Variants in PTPRQ observed in about 807,000 individuals in gnomAD.
The protein encoded by PTPRQ is phosphatidylinositol phosphatase PTPRQ.
In PTPRQ, 199 loss-of-function variants were observed where a neutral mutation model predicts 246.0. That is an observed-to-expected ratio of 0.81 (90% CI 0.72 to 0.91). The LOEUF is 0.91. Among genes scored for constraint, PTPRQ ranks in the 40% least tolerant of loss-of-function variants. PTPRQ has a pLI of 0.00. For missense variants in PTPRQ, 2,624 were observed against 2,528.4 expected (o/e 1.04, Z -0.81); for synonymous variants, 869 against 853.2 (o/e 1.02, Z -0.32).
intron 37 of PTPRQ, among the ~76,000 whole-genome samples, chr12:80,652,441 A>G (rs988100508): frequency 1.3e-5 from 2 of 152,064 alleles, no homozygotes; most frequent in African/African-American, 4.8e-5. Flanking sequence ...GTACCTGATG[A>G]AACCATTAGT....
At chr12:80,637,139 G>C (rs1004675467) in intron 35 of PTPRQ, among the ~76,000 whole-genome samples, 1 of 151,922 alleles carries the variant, frequency 6.6e-6, no homozygotes, top group East Asian at 1.9e-4. Flanking sequence ...TGTGCCTGTA[G>C]TCCCAGCTAC....
At position 80,613,765 on chromosome 12, in the gene PTPRQ, A is replaced by T. The variant is rs1250432140; in HGVS notation, c.5092A>T (p.Ile1698Leu). The T allele has an allele frequency of 3.9e-6, 6 of 1,544,096 alleles. No individual in the cohort carries two copies. The highest frequency in any genetic ancestry group is 5.3e-6 in the Non-Finnish European group (6 of 1,142,202). ...TGTCCAGATTCACAACCTCAGTATT[A>T]TACAGAAAACCAACACATTCGTCAT... ...TAVQIHNLSI[I>L]QKTNTFVIAM... Residue 1698 changes from isoleucine (I) to leucine (L), a missense_variant, in exon 29 of 45, where the codon ATA becomes TTA. Transcript: ENST00000644991.
chr12:80,604,939 T>C (rs1302607913), intron 26 of PTPRQ, 120 bp from the exon 27 acceptor site: 10 of 1,069,112 alleles, frequency 9.4e-6, no homozygotes, highest in Non-Finnish European at 1.1e-5. Context: ...GAAATATAAA[T>C]TAATGTAAAA....
At chr12:80,477,010 G>A (rs1423653187) in intron 8 of PTPRQ, among the ~76,000 whole-genome samples, 2 of 152,086 alleles carry the variant, frequency 1.3e-5, no homozygotes, top group Non-Finnish European at 2.9e-5. Context: ...ATGATCAAAA[G>A]CCCAGGGGAT....
chr12:80,481,384 A>T (rs1384041006), intron 8 of PTPRQ, among the ~76,000 whole-genome samples: 4 of 152,290 alleles, frequency 2.6e-5, no homozygotes. Flanking sequence ...TCAAAATAAT[A>T]AGAGCCATCC....
rs28853124 is a variant in PTPRQ at position 80,464,023 on chromosome 12, A to G, written c.910+3121A>G. Among the ~76,000 whole-genome samples, 27 of 152,134 alleles carry G rather than the reference A, an allele frequency of 1.8e-4. No individual in the cohort carries two copies. The East Asian group carries it at 2.5e-3, about 14-fold the overall frequency. On this transcript the variant is annotated intron_variant, in intron 6 of 44. Coordinates refer to ENST00000644991, the MANE Select transcript of PTPRQ (RefSeq NM_001145026.2). ...GTTCAAATTCACACATAACAATATT[A>G]ACTTTAAATGTAAATGGACTAAATG...
In PTPRQ at chr12:80,669,374, G is replaced by A. The variant is rs111994950; in HGVS notation, c.6363G>A (p.Lys2121=). Residue 2121 remains lysine (K), a synonymous_variant, in exon 41 of 45, where the codon AAG becomes AAA. Coordinates refer to ENST00000644991, the MANE Select transcript of PTPRQ (RefSeq NM_001145026.2). ...RCHQYWPEDN[K]PVTVFGDIVI... ...ATCAGTATTGGCCAGAGGACAACAA[G>A]CCAGTTACTGTCTTTGGAGATATAG... 2 of 1,549,814 alleles carry A rather than the reference G, an allele frequency of 1.3e-6. No homozygotes were observed. Among genetic ancestry groups the A allele is most frequent in the Admixed American group, 2.0e-5 (1 of 50,884 alleles).
At chr12:80,459,692 G>C (rs1393671269) in intron 5 of PTPRQ, among the ~76,000 whole-genome samples, 3 of 152,146 alleles carry the variant, frequency 2.0e-5, no homozygotes, top group Admixed American at 2.0e-4. Flanking sequence ...TACAGGAATG[G>C]TTTGAGAATT....
chr12:80,578,982 C>G (rs550742651), intron 25 of PTPRQ, among the ~76,000 whole-genome samples: 14 of 152,168 alleles, frequency 9.2e-5, no homozygotes, highest in African/African-American at 3.1e-4. Context: ...TAATCTAATT[C>G]CTGGGTTCAT....
Position 80,457,952 on chromosome 12 carries a change from A to G in PTPRQ, c.460+308A>G, listed in dbSNP as rs532744414. Among the ~76,000 whole-genome samples the G allele has an allele frequency of 1.4e-3, 219 of 152,106 alleles. 3 individuals carry two copies. Among genetic ancestry groups the G allele is most frequent in the East Asian group, 9.7e-4 (5 of 5,178 alleles). ...ATTTTGGTGCATTTCTGGCTTGTCT[A>G]TTTCCCCCATTAATATGTATCTATA... is the stretch of plus-strand genomic sequence containing the variant. On this transcript the variant is annotated intron_variant, in intron 4 of 44. Transcript: ENST00000644991.
At chr12:80,473,051 A>ACACACACGCGCGCG (rs1555185248) in intron 8 of PTPRQ, among the ~76,000 whole-genome samples, 6 of 135,968 alleles carry the variant, frequency 4.4e-5, no homozygotes, top group African/African-American at 1.8e-4. Flanking sequence ...ACACACGCAC[A>ACACACACGCGCGCG]CACACACACA....
chr12:80,642,729 G>T (rs1899910456), intron 35 of PTPRQ, among the ~76,000 whole-genome samples: 2 of 150,990 alleles, frequency 1.3e-5, no homozygotes, highest in Non-Finnish European at 3.0e-5. Flanking sequence ...GACCATCCCG[G>T]CTAAAACGGT....
rs1894969915 is a variant in PTPRQ, at chr12:80,506,637, A to G, written c.2524A>G (p.Ser842Gly). 7.8e-6 allele frequency: 12 copies of G among 1,544,540 alleles called. No homozygotes were observed. Among genetic ancestry groups the G allele is most frequent in the Non-Finnish European group, 1.1e-5 (12 of 1,141,840 alleles). Residue 842 changes from serine (S) to glycine (G), a missense_variant, in exon 16 of 45, where the codon AGT becomes GGT. Ser to Gly is a moderately conservative substitution (Grantham distance 56). Transcript: ENST00000644991. ...ASTLKGEGVR[S>G]APISILTEED... The stretch of plus-strand genomic sequence containing the variant: ...TACACTCAAAGGTGAAGGAGTTCGG[A>G]GTGCTCCCATAAGTATACTGACGGA...
intron 37 of PTPRQ, among the ~76,000 whole-genome samples, chr12:80,651,553 G>A (rs925203866): frequency 3.3e-5 from 5 of 151,932 alleles, no homozygotes; most frequent in African/African-American, 1.2e-4. Context: ...AGCTAAATAG[G>A]GAGAATTGTG....
At chr12:80,466,372 A>G (rs10746168) in intron 6 of PTPRQ, among the ~76,000 whole-genome samples, 135,440 of 152,124 alleles carry the variant, frequency 0.89, 60,650 homozygotes, top group Non-Finnish European at 0.92. Flanking sequence ...CAAACAAATG[A>G]AAGAACATTC....
At chr12:80,513,136 C>A (rs1895173768) in intron 17 of PTPRQ, among the ~76,000 whole-genome samples, 1 of 152,102 alleles carries the variant, frequency 6.6e-6, no homozygotes, top group Non-Finnish European at 1.5e-5. Flanking sequence ...CCTGCCTTAT[C>A]GCAAGGACAG....
At chr12:80,541,168 G>C (rs1000402002) in intron 20 of PTPRQ, among the ~76,000 whole-genome samples, 2 of 151,880 alleles carry the variant, frequency 1.3e-5, no homozygotes, top group Non-Finnish European at 2.9e-5. Context: ...TGTACAACAA[G>C]GGTAATATTT....
intron 27 of PTPRQ, among the ~76,000 whole-genome samples, chr12:80,606,819 T>C (rs913457426): frequency 1.3e-5 from 2 of 150,910 alleles, no homozygotes; most frequent in African/African-American, 4.8e-5. Flanking sequence ...TTTTAGTATG[T>C]AATTAGCCAA....
intron 8 of PTPRQ, among the ~76,000 whole-genome samples, chr12:80,479,290 A>G (rs1893942436): frequency 6.7e-6 from 1 of 148,950 alleles, no homozygotes; most frequent in East Asian, 2.0e-4. Context: ...TTCATAAGTG[A>G]AGGAGAAATA....
Sources: gnomAD v4.1 joint callset for allele counts (sites outside exome capture counted in the v4.1 genomes callset) on GRCh38, gnomAD v4.1.1 for gene constraint, MANE v1.5 for transcripts, NCBI Gene and HGNC (gene_info 2026-07-23, HGNC 2026-07-21) for gene names.